Variants in RFX8 observed in about 807,000 individuals in gnomAD.
RFX8 encodes the protein regulatory factor X8.
Under a neutral mutation model 54.6 loss-of-function variants are expected in RFX8, and 46 were observed. The observed-to-expected ratio is 0.84, with a 90% CI of 0.67 to 1.08. The LOEUF is 1.08. Among genes scored for constraint, RFX8 ranks in the 50% least tolerant of loss-of-function variants. RFX8 has a pLI of 0.00. For missense variants in RFX8, 536 were observed against 562.3 expected (o/e 0.95, Z 0.47); for synonymous variants, 192 against 209.5 (o/e 0.92, Z 0.72).
chr2:101,427,982 C>A (rs185464923), intron 2 of RFX8, among the ~76,000 whole-genome samples: 1 of 152,120 alleles, frequency 6.6e-6, no homozygotes, highest in African/African-American at 2.4e-5. Context: ...CCCCGCCCCC[C>A]GCAGGGTCAT....
At chr2:101,426,146 G>A (rs74558168) in intron 2 of RFX8, among the ~76,000 whole-genome samples, 259 of 152,180 alleles carry the variant, frequency 1.7e-3, no homozygotes, top group African/African-American at 6.0e-3. Flanking sequence ...AAAATATCAC[G>A]CATATCCAGA....
chr2:101,409,278 A>G (rs1685943908), intron 9 of RFX8, among the ~76,000 whole-genome samples: 1 of 152,170 alleles, frequency 6.6e-6, no homozygotes, highest in Non-Finnish European at 1.5e-5. Context: ...GCTGGAGTGC[A>G]GTGGTGTGAT....
intron 2 of RFX8, among the ~76,000 whole-genome samples, chr2:101,464,275 G>A (rs1689449301): frequency 6.6e-6 from 1 of 152,226 alleles, no homozygotes; most frequent in Admixed American, 6.5e-5. Context: ...CAAAGGGGAT[G>A]TAGTCCGTTT....
rs1232686362 is a variant in RFX8 at position 101,469,103 on chromosome 2, TATAA to T, written c.-52-2207_-52-2204del. Among the ~76,000 whole-genome samples, 7 of 26,666 alleles carry T rather than the reference TATAA, an allele frequency of 2.6e-4. 1 individual carries two copies. The highest frequency in any genetic ancestry group is 4.5e-4 in the African/African-American group (4 of 8,934). 17.5% of individuals were successfully genotyped at this position (26,666 alleles called of 152,430 possible). A position where few individuals can be genotyped will look rare whatever the true frequency, so the allele number is the denominator to read the frequency against. Reference sequence around the variant, plus strand: ...AAGTGTATATATATAAGTATATATATATAAGTGTATATATATATAAGTATATATA... The same window carrying T: ...AAGTGTATATATATAAGTATATATATGTGTATATATATATAAGTATATATA... On this transcript the variant is annotated intron_variant, in intron 1 of 11. Coordinates refer to ENST00000428343, the MANE Select transcript of RFX8 (RefSeq NM_001145664.2).
chr2:101,414,705 C>T (rs1325639585), intron 7 of RFX8, 149 bp downstream of exon 7: 2 of 575,956 alleles, frequency 3.5e-6, no homozygotes, highest in Non-Finnish European at 6.3e-6. Flanking sequence ...CACCTGGACT[C>T]CTCTGCCAAT....
intron 2 of RFX8, among the ~76,000 whole-genome samples, chr2:101,434,643 T>C (rs1558866385): frequency 6.6e-6 from 1 of 152,212 alleles, no homozygotes; most frequent in Non-Finnish European, 1.5e-5. Context: ...TTCTGAGCGG[T>C]ACCTCCTTTT....
intron 5 of RFX8, among the ~76,000 whole-genome samples, chr2:101,418,633 A>G (rs932466669): frequency 1.2e-4 from 18 of 152,212 alleles, no homozygotes; most frequent in Non-Finnish European, 2.9e-5. Flanking sequence ...ATGGAACCAG[A>G]GGTTACTATG....
chr2:101,431,932 A>G (rs1687509819), intron 2 of RFX8, among the ~76,000 whole-genome samples: 1 of 152,166 alleles, frequency 6.6e-6, no homozygotes, highest in African/African-American at 2.4e-5. Context: ...GCCTGTGTAT[A>G]GCAGGAATCC....
At chr2:101,435,706 G>A (rs1687744114) in intron 2 of RFX8, among the ~76,000 whole-genome samples, 1 of 152,090 alleles carries the variant, frequency 6.6e-6, no homozygotes, top group African/African-American at 2.4e-5. Context: ...CCAACTAAAC[G>A]GGATTGGAAT....
chr2:101,439,610 T>G (rs1687977047), intron 2 of RFX8, among the ~76,000 whole-genome samples: 2 of 151,536 alleles, frequency 1.3e-5, no homozygotes, highest in South Asian at 2.1e-4. Context: ...TTTTTTTTTT[T>G]GCCTGTGGGT....
chr2:101,414,929 A>C lies in RFX8; in HGVS notation c.503-17T>G. ...GAGTAACTTCTGTTAAGAACAACACACGTGGCCATTAATACAATAACTTCA... is the reference window on the plus strand; with the variant it reads ...GAGTAACTTCTGTTAAGAACAACACCCGTGGCCATTAATACAATAACTTCA... On this transcript the variant is annotated splice_polypyrimidine_tract_variant and intron_variant, in intron 6 of 11. Coordinates refer to ENST00000428343, the MANE Select transcript of RFX8 (RefSeq NM_001145664.2). The C allele has an allele frequency of 6.5e-7, 1 of 1,537,662 alleles. No homozygotes were observed. The highest frequency in any genetic ancestry group is 8.8e-7 in the Non-Finnish European group (1 of 1,136,462).
chr2:101,469,034 ATATATATGTATATATATATACG>A (rs1558896279), intron 1 of RFX8, among the ~76,000 whole-genome samples: 3 of 56,378 alleles, frequency 5.3e-5, no homozygotes, highest in Non-Finnish European at 1.1e-4. Flanking sequence ...ATATATACGT[ATATATATGTATATATATATACG>A]TATATATATG....
intron 9 of RFX8, among the ~76,000 whole-genome samples, chr2:101,408,767 T>G (rs1221140460): frequency 6.6e-6 from 1 of 152,230 alleles, no homozygotes. Context: ...GCTTTCCAGC[T>G]CCTTCCTGAG....
intron 2 of RFX8, among the ~76,000 whole-genome samples, chr2:101,443,519 G>A (rs1207678401): frequency 1.3e-5 from 2 of 152,132 alleles, no homozygotes; most frequent in African/African-American, 2.4e-5. Context: ...AGGTGGTGTA[G>A]ATTCACCTTC....
intron 2 of RFX8, among the ~76,000 whole-genome samples, chr2:101,451,657 C>A (rs1688687065): frequency 6.8e-6 from 1 of 147,208 alleles, no homozygotes; most frequent in Admixed American, 6.9e-5. Flanking sequence ...CCATTGCACT[C>A]CAGCCTGGGC....
rs192496288 is a variant in RFX8, at chr2:101,405,299, A to T, written c.928+644T>A. ...GTTGCTGGGATTACAAGCGTCCGCC[A>T]CCGCGCCCGGCTAATTTTTGTATTT... On this transcript the variant is annotated intron_variant, in intron 10 of 11. Transcript: ENST00000428343. Among the ~76,000 whole-genome samples, 9 of 152,078 alleles carry T rather than the reference A, an allele frequency of 5.9e-5. No homozygotes were observed. The East Asian group carries it at 1.7e-3, about 29-fold the overall frequency.
chr2:101,415,605 T>A (rs1686446721), intron 6 of RFX8, among the ~76,000 whole-genome samples: 1 of 107,954 alleles, frequency 9.3e-6, no homozygotes, highest in Non-Finnish European at 1.9e-5. Context: ...TAGAAACAGG[T>A]GTTCTCCTCT....
chr2:101,468,097 G>C (rs1689680065), intron 1 of RFX8, among the ~76,000 whole-genome samples: 1 of 152,050 alleles, frequency 6.6e-6, no homozygotes, highest in African/African-American at 2.4e-5. Flanking sequence ...AGTCACAATT[G>C]TTAACCCCAC....
At position 101,433,529 on chromosome 2, in the gene RFX8, A is replaced by G. The variant is rs1224291844; in HGVS notation, c.73-11057T>C. 5.9e-5 allele frequency among the ~76,000 whole-genome samples: 9 copies of G among 152,340 alleles called. No individual in the cohort carries two copies. In the South Asian group the frequency reaches 1.9e-3, roughly 32 times the overall value. ...CTTGTTTCTTTAATTTTTCCCATAA[A>G]ATCTTTCAAATGTAGTGTTAGCTTA... On this transcript the variant is annotated intron_variant, in intron 2 of 11. Coordinates refer to ENST00000428343, the MANE Select transcript of RFX8 (RefSeq NM_001145664.2).
Sources: gnomAD v4.1 joint callset for allele counts (sites outside exome capture counted in the v4.1 genomes callset) on GRCh38, gnomAD v4.1.1 for gene constraint, MANE v1.5 for transcripts, NCBI Gene and HGNC (gene_info 2026-07-23, HGNC 2026-07-21) for gene names.